The following MIB1 variants were observed in gnomAD, a reference collection of about 807,000 sequenced individuals.
The protein encoded by MIB1 is E3 ubiquitin-protein ligase MIB1.
A neutral mutation model predicts 124.5 loss-of-function variants in MIB1; 278 were observed. That is an observed-to-expected ratio of 2.23 (90% CI 2.02 to 2.47). The LOEUF is 2.47. Ranked by LOEUF, MIB1 falls within the 30% of genes most tolerant of loss-of-function variation. The pLI is 0.00. For missense variants in MIB1, 957 were observed against 1,254.4 expected, an observed-to-expected ratio of 0.76 and a Z score of 3.58; for synonymous variants, 446 against 429.4, an observed-to-expected ratio of 1.04 and a Z score of -0.48.
chr18:21,790,654 G>A (rs2041491826), intron 6 of MIB1, among the ~76,000 whole-genome samples: 1 of 152,216 alleles, frequency 6.6e-6, no homozygotes, highest in African/African-American at 2.4e-5. Flanking sequence ...TAGAATGTCT[G>A]TAAGGACACA....
chr18:21,864,394 A>G, intron 20 of MIB1, 132 bp from the exon 21 acceptor site: 1 of 656,676 alleles, frequency 1.5e-6, no homozygotes, highest in Non-Finnish European at 2.5e-6. Context: ...TAAAAATGTT[A>G]AAAAATTGTT....
chr18:21,816,353 A>G (rs1386257118), intron 11 of MIB1, among the ~76,000 whole-genome samples: 1 of 152,148 alleles, frequency 6.6e-6, no homozygotes, highest in South Asian at 2.1e-4. Flanking sequence ...GATAAATTAA[A>G]CCACAAATAT....
chr18:21,721,160 T>TTTG lies in MIB1; in HGVS notation n.167+16039_167+16040insGTT, dbSNP rs1568175846. On this transcript the variant is annotated intron_variant and non_coding_transcript_variant, in intron 1 of 20. Transcript: ENST00000578646. ...GAAAGATTTAAACATTTTAAAGAAGTTTTTTTTTTTTTTTTTTTTTTTTTT... is the reference window on the plus strand; with the variant it reads ...GAAAGATTTAAACATTTTAAAGAAGTTTGTTTTTTTTTTTTTTTTTTTTTTTTT... Among the ~76,000 whole-genome samples, 35 of 51,714 alleles carry TTTG rather than the reference T, an allele frequency of 6.8e-4. 1 individual carries two copies. Among genetic ancestry groups the TTTG allele is most frequent in the African/African-American group, 1.9e-3 (12 of 6,468 alleles). The allele number at this position is 51,714 out of a possible 152,430, so 33.9% of individuals were successfully genotyped here.
At chr18:21,731,392 A>G (rs1290831195) in intron 1 of MIB1, among the ~76,000 whole-genome samples, 2 of 152,210 alleles carry the variant, frequency 1.3e-5, no homozygotes, top group African/African-American at 2.4e-5. Context: ...ATGCTGATCT[A>G]TTCACTTGTT....
chr18:21,810,472 C>G (rs1321553240), intron 10 of MIB1, among the ~76,000 whole-genome samples: 1 of 151,984 alleles, frequency 6.6e-6, no homozygotes, highest in African/African-American at 2.4e-5. Flanking sequence ...AGGACTCACT[C>G]TTCCTACTTT....
chr18:21,844,012 T>C (rs1568224433), intron 14 of MIB1, 80 bp from the exon 15 acceptor site: 5 of 1,406,186 alleles, frequency 3.6e-6, no homozygotes, highest in Non-Finnish European at 4.0e-6. Context: ...GTCCAGGGTG[T>C]TCTCACCATT....
At chr18:21,839,629 G>A (rs1167369869) in intron 13 of MIB1, among the ~76,000 whole-genome samples, 1 of 152,096 alleles carries the variant, frequency 6.6e-6, no homozygotes, top group Non-Finnish European at 1.5e-5. Flanking sequence ...CTCCCAAGTA[G>A]CTGGGACTGT....
rs755375969 is a variant in MIB1, at chr18:21,768,742, G to A, written c.521G>A (p.Arg174His). 54 of 1,609,936 alleles carry A rather than the reference G, an allele frequency of 3.4e-5. No individual in the cohort carries two copies. Among genetic ancestry groups the A allele is most frequent in the Admixed American group, 6.7e-5 (4 of 59,776 alleles). Reference protein sequence around the residue: ...QWEDQDGGNGRRGKVTEIQDW... With the variant: ...QWEDQDGGNGHRGKVTEIQDW... ...GAAGATCAAGATGGAGGAAATGGAC[G>A]TAGGGGAAAGGTACAGTGTTTCTCT... Residue 174 changes from arginine (R) to histidine (H), a missense_variant, in exon 3 of 21, where the codon CGT becomes CAT. Transcript: ENST00000261537.
Position 21,849,207 on chromosome 18 carries a change from G to A in MIB1, c.2405G>A (p.Gly802Asp), listed in dbSNP as rs140659410. ...CTTTCTTTTATTAGTGGTCAAGTGG[G>A]TTCTCGGAGTCCTTCTATGATTAGT... ...CHKEKVSGQV[G>D]SRSPSMISND... Residue 802 changes from glycine (G) to aspartate (D), a missense_variant, in exon 17 of 21, where the codon GGT becomes GAT. Transcript: ENST00000261537. 8.7e-5 allele frequency: 135 copies of A among 1,555,298 alleles called. No individual in the cohort carries two copies. The highest frequency in any genetic ancestry group is 1.1e-4 in the Non-Finnish European group (126 of 1,152,016).
chr18:21,835,800 TCC>T (rs1491270076), intron 12 of MIB1, among the ~76,000 whole-genome samples: 20 of 8,664 alleles, frequency 2.3e-3, no homozygotes, highest in African/African-American at 5.2e-3. Flanking sequence ...TATATATATA[TCC>T]ACACACACAC....
intron 1 of MIB1, among the ~76,000 whole-genome samples, chr18:21,729,449 T>C (rs1445672921): frequency 6.6e-6 from 1 of 152,174 alleles, no homozygotes; most frequent in Non-Finnish European, 1.5e-5. Flanking sequence ...TGTTCTTACA[T>C]GGTAGACGAT....
chr18:21,841,707 A>C (rs1464899641), intron 13 of MIB1, among the ~76,000 whole-genome samples: 1 of 152,170 alleles, frequency 6.6e-6, no homozygotes, highest in Admixed American at 6.5e-5. Flanking sequence ...TGACTCAGCT[A>C]TCCCACTTCT....
At chr18:21,788,013 A>T (rs2041457021) in intron 6 of MIB1, among the ~76,000 whole-genome samples, 1 of 151,272 alleles carries the variant, frequency 6.6e-6, no homozygotes. Context: ...TGATTTGCGA[A>T]CCTCCTCTCT....
At chr18:21,717,416 G>A (rs928987694) in intron 1 of MIB1, among the ~76,000 whole-genome samples, 2 of 152,148 alleles carry the variant, frequency 1.3e-5, no homozygotes, top group African/African-American at 4.8e-5. Flanking sequence ...AAACTAAAGA[G>A]CTTTTGCACA....
chr18:21,807,236 GCC>G (rs2041719402), intron 10 of MIB1, among the ~76,000 whole-genome samples: 2 of 152,156 alleles, frequency 1.3e-5, no homozygotes, highest in African/African-American at 4.8e-5. Context: ...TTCAAGACCA[GCC>G]TGGGCAACGT....
intron 6 of MIB1, among the ~76,000 whole-genome samples, chr18:21,780,196 C>G (rs2041342839): frequency 2.0e-5 from 3 of 152,140 alleles, no homozygotes; most frequent in Non-Finnish European, 4.4e-5. Flanking sequence ...ATCAAACAGG[C>G]AATTGGGGCA....
chr18:21,741,726 TG>T lies in MIB1; in HGVS notation c.145del (p.Val49TrpfsTer2), dbSNP rs1456204984. ...CGGAGCTTCGAGAGCCCCGAGGAGG[TG>T]GTGGTAGTGTGGGACAACGGCACAG... ...TVRSFESPEE[V>X]VVVWDNGTAA... is the part of the protein sequence containing the mutation. On this transcript the variant is annotated frameshift_variant, in exon 1 of 21. Transcript: ENST00000261537. LOFTEE classifies it high-confidence loss of function. The surrounding 1 kb of genome is among the most constrained non-coding windows in gnomAD (Gnocchi z 5.4). 1 of 1,610,700 alleles carries T rather than the reference TG, an allele frequency of 6.2e-7. No homozygotes were observed. Among genetic ancestry groups the T allele is most frequent in the Non-Finnish European group, 8.5e-7 (1 of 1,179,202 alleles).
At chr18:21,775,995 G>A (rs1038598499) in intron 4 of MIB1, among the ~76,000 whole-genome samples, 1 of 151,992 alleles carries the variant, frequency 6.6e-6, no homozygotes, top group Non-Finnish European at 1.5e-5. Flanking sequence ...AGCTGGGAGG[G>A]GTGGCCCACA....
At chr18:21,840,198 T>C (rs564791715) in intron 13 of MIB1, among the ~76,000 whole-genome samples, 3 of 152,344 alleles carry the variant, frequency 2.0e-5, no homozygotes, top group African/African-American at 7.2e-5. Flanking sequence ...ACAGATTACT[T>C]AGTATTTTCT....
Sources: gnomAD v4.1 joint callset for allele counts (sites outside exome capture counted in the v4.1 genomes callset) on GRCh38, gnomAD v4.1.1 for gene constraint, Gnocchi (gnomAD v3.1) non-coding constraint, MANE v1.5 for transcripts, NCBI Gene and HGNC (gene_info 2026-07-23, HGNC 2026-07-21) for gene names.